The following SLC4A4 variants were observed in gnomAD, a reference collection of about 807,000 sequenced individuals.
SLC4A4 encodes electrogenic sodium bicarbonate cotransporter 1.
Under a neutral mutation model 111.5 loss-of-function variants are expected in SLC4A4, and 27 were observed. The observed-to-expected ratio is 0.24, with a 90% CI of 0.18 to 0.33. The LOEUF (loss-of-function observed/expected upper bound fraction) is 0.33. Ranked by LOEUF, SLC4A4 falls within the 10% of genes least tolerant of loss-of-function variation. The pLI is 1.00. For missense variants in SLC4A4, 909 were observed against 1,315.5 expected, an observed-to-expected ratio of 0.69 and a Z score of 4.78; for synonymous variants, 443 against 463.4, an observed-to-expected ratio of 0.96 and a Z score of 0.57.
rs190912597 is a variant in SLC4A4 at position 71,357,305 on chromosome 4, T to G, written c.730+118T>G. ...TATTTTTTCTTTTCTTGAGTTCATA[T>G]GCCATAGTCATTTCATATTGACATT... On this transcript the variant is annotated intron_variant, in intron 6 of 25. Coordinates refer to ENST00000264485, the MANE Select transcript of SLC4A4 (RefSeq NM_001098484.3). The G allele has an allele frequency of 4.4e-4, 432 of 974,118 alleles. 2 individuals are homozygous for G. Among genetic ancestry groups the G allele is most frequent in the Non-Finnish European group, 1.5e-4 (94 of 621,332 alleles). The allele number at this position is 974,118 out of a possible 1,614,324, so 60.3% of individuals were successfully genotyped here. A position where few individuals can be genotyped will look rare whatever the true frequency, so the allele number is the denominator to read the frequency against.
At chr4:71,362,234 T>C (rs1012665707) in intron 6 of SLC4A4, among the ~76,000 whole-genome samples, 1 of 152,204 alleles carries the variant, frequency 6.6e-6, no homozygotes, top group Non-Finnish European at 1.5e-5. Flanking sequence ...TTGCTGAGAA[T>C]TGGCTTTAGT....
intron 13 of SLC4A4, among the ~76,000 whole-genome samples, chr4:71,467,889 A>G (rs1169638374): frequency 2.3e-4 from 3 of 12,902 alleles, no homozygotes; most frequent in East Asian, 0.17. Context: ...TGGCATTCCC[A>G]TAGTCATATT....
intron 3 of SLC4A4, among the ~76,000 whole-genome samples, chr4:71,301,564 C>T (rs544647427): frequency 6.6e-6 from 1 of 152,226 alleles, no homozygotes; most frequent in East Asian, 1.9e-4. Flanking sequence ...TCTCTACCTG[C>T]AGGCCCCAGC....
chr4:71,149,627 G>A (rs554687202), intron 2 of SLC4A4, among the ~76,000 whole-genome samples: 1 of 152,254 alleles, frequency 6.6e-6, no homozygotes, highest in East Asian at 1.9e-4. Flanking sequence ...ACAAATGTTT[G>A]TTAGGCATCA....
chr4:71,281,720 A>AAT (rs1723532241), intron 3 of SLC4A4, among the ~76,000 whole-genome samples: 1 of 152,232 alleles, frequency 6.6e-6, no homozygotes, highest in Admixed American at 6.5e-5. Flanking sequence ...AACATGTATT[A>AAT]TATTAAGTGT....
intron 7 of SLC4A4, among the ~76,000 whole-genome samples, chr4:71,428,329 A>T (rs572592762): frequency 6.6e-6 from 1 of 152,124 alleles, no homozygotes; most frequent in Admixed American, 6.6e-5. Flanking sequence ...CACTGCCTAA[A>T]AGCCAGTCTC....
At chr4:71,510,032 T>G (rs1309755418) in intron 16 of SLC4A4, among the ~76,000 whole-genome samples, 1 of 152,130 alleles carries the variant, frequency 6.6e-6, no homozygotes, top group East Asian at 1.9e-4. Flanking sequence ...ATATACAACC[T>G]GAGCTCCTAC....
chr4:71,130,616 T>C (rs1343677927), intron 2 of SLC4A4, among the ~76,000 whole-genome samples: 1 of 152,242 alleles, frequency 6.6e-6, no homozygotes, highest in Non-Finnish European at 1.5e-5. Context: ...TTTTGTTAAA[T>C]GAGTGTCACT....
intron 2 of SLC4A4, among the ~76,000 whole-genome samples, chr4:71,174,370 C>T (rs756293767): frequency 2.0e-5 from 3 of 151,916 alleles, no homozygotes; most frequent in Non-Finnish European, 4.4e-5. Flanking sequence ...GTGCCTCAGC[C>T]TCCCAAGTAG....
At chr4:71,135,717 T>A (rs1449272273) in intron 2 of SLC4A4, among the ~76,000 whole-genome samples, 1 of 152,202 alleles carries the variant, frequency 6.6e-6, no homozygotes, top group African/African-American at 2.4e-5. Flanking sequence ...ACCCTTTGAC[T>A]GACATAATCC....
Position 71,132,324 on chromosome 4 carries a change from T to C in SLC4A4, c.-2+39532T>C, listed in dbSNP as rs532223798. On this transcript the variant is annotated intron_variant, in intron 2 of 26. Coordinates refer to the SLC4A4 transcript ENST00000649996. ...ATGTTGACGGGGGCTCTAAAATGTATATCAGCTAACGGCATGTCTCAGCTC... is the reference window on the plus strand; with the variant it reads ...ATGTTGACGGGGGCTCTAAAATGTACATCAGCTAACGGCATGTCTCAGCTC... Among the ~76,000 whole-genome samples the C allele has an allele frequency of 3.3e-5, 5 of 152,290 alleles. No homozygotes were observed. The South Asian group carries it at 1.0e-3, about 32-fold the overall frequency.
chr4:71,379,709 A>G (rs1373876165), intron 6 of SLC4A4, among the ~76,000 whole-genome samples: 1 of 152,182 alleles, frequency 6.6e-6, no homozygotes, highest in Non-Finnish European at 1.5e-5. Flanking sequence ...TTAGACAAAC[A>G]TTCTGAACAA....
chr4:71,075,970 T>C (rs1741803678), intron 1 of SLC4A4, among the ~76,000 whole-genome samples: 2 of 140,764 alleles, frequency 1.4e-5, no homozygotes, highest in African/African-American at 5.4e-5. Context: ...AATAAATAAA[T>C]AAATAAATAA....
chr4:71,452,433 T>C (rs1036635749), intron 11 of SLC4A4, among the ~76,000 whole-genome samples: 16 of 152,222 alleles, frequency 1.1e-4, no homozygotes, highest in Non-Finnish European at 1.5e-5. Flanking sequence ...TGAATGTCTG[T>C]AGTATGCCTG....
chr4:71,171,200 AAC>A (rs1744930370), intron 2 of SLC4A4, among the ~76,000 whole-genome samples: 2 of 152,068 alleles, frequency 1.3e-5, no homozygotes, highest in Admixed American at 1.3e-4. Flanking sequence ...GGTTCATCAA[AAC>A]AGTGCTTTAG....
At chr4:71,383,031 A>T (rs1718306358) in intron 6 of SLC4A4, among the ~76,000 whole-genome samples, 1 of 152,202 alleles carries the variant, frequency 6.6e-6, no homozygotes, top group African/African-American at 2.4e-5. Flanking sequence ...TTTAACTAGT[A>T]TAACTAGGCC....
At chr4:71,089,086 G>A (rs1252835431) in intron 1 of SLC4A4, among the ~76,000 whole-genome samples, 1 of 151,942 alleles carries the variant, frequency 6.6e-6, no homozygotes, top group African/African-American at 2.4e-5. Flanking sequence ...CATATTTCTT[G>A]GAGGCTTTCT....
chr4:71,325,331 A>G (rs1727423176), intron 3 of SLC4A4, among the ~76,000 whole-genome samples: 1 of 152,024 alleles, frequency 6.6e-6, no homozygotes, highest in Non-Finnish European at 1.5e-5. Context: ...AAATGGAATA[A>G]TAGGAGGGTA....
intron 7 of SLC4A4, among the ~76,000 whole-genome samples, chr4:71,412,050 C>T (rs963000776): frequency 6.6e-6 from 1 of 152,164 alleles, no homozygotes; most frequent in Non-Finnish European, 1.5e-5. Flanking sequence ...ACGTTATTAT[C>T]AGATTTACAA....
Sources: allele counts gnomAD v4.1 joint callset (sites outside exome capture counted in the v4.1 genomes callset), GRCh38; gene constraint gnomAD v4.1.1; transcripts MANE v1.5; gene names NCBI Gene and HGNC (gene_info 2026-07-23, HGNC 2026-07-21).